The following TNS2 variants were observed in gnomAD, a reference collection of about 807,000 sequenced individuals.
The protein encoded by TNS2 is tensin-2.
In TNS2, 77 loss-of-function variants were observed where a neutral mutation model predicts 155.7. The ratio of observed to expected loss-of-function variants is 0.49; its 90% CI spans 0.41 to 0.60. The LOEUF (loss-of-function observed/expected upper bound fraction) is 0.60. Ranked by LOEUF, TNS2 falls within the 20% of genes least tolerant of loss-of-function variation. The probability of loss-of-function intolerance (pLI) is 0.00; values close to 1 mark genes in which losing one functional copy is unlikely to be tolerated. For missense variants in TNS2, 1,703 were observed against 1,868.8 expected, an observed-to-expected ratio of 0.91 and a Z score of 1.64; for synonymous variants, 726 against 763.9, an observed-to-expected ratio of 0.95 and a Z score of 0.82.
At chr12:53,053,322 C>T in intron 3 of TNS2, 89 bp from the exon 4 acceptor site, 5 of 1,507,054 alleles carry the variant, frequency 3.3e-6, no homozygotes, top group Non-Finnish European at 3.7e-6. Context: ...GCCCCTCCAC[C>T]TTCCTCCTGA....
intron 3 of TNS2, 180 bp from the exon 4 acceptor site, chr12:53,053,231 G>C: frequency 2.9e-6 from 2 of 685,002 alleles, no homozygotes. Context: ...GGGGGCCTGG[G>C]GGGTGGGGGA....
At position 53,053,961 on chromosome 12, in the gene TNS2, C is replaced by A. The variant is rs1944034594; in HGVS notation, c.301-4C>A. 1 of 1,614,052 alleles carries A rather than the reference C, an allele frequency of 6.2e-7. No individual in the cohort carries two copies. Among genetic ancestry groups the A allele is most frequent in the Admixed American group, 1.7e-5 (1 of 60,010 alleles). The stretch of plus-strand genomic sequence containing the variant: ...ATGTCTAGACACTGTCTGTTAACCA[C>A]CAGGGATCCACCAAATCTCTGAACC... On this transcript the variant is annotated splice_polypyrimidine_tract_variant and splice_region_variant and intron_variant, in intron 5 of 28. Transcript: ENST00000314250.
chr12:53,056,312 A>T (rs960698638), intron 10 of TNS2: 11 of 157,920 alleles, frequency 7.0e-5, no homozygotes, highest in African/African-American at 2.7e-4. Flanking sequence ...GTGAGCCCAC[A>T]CGGTGCCACT....
rs925265773 is a variant in TNS2 at position 53,063,052 on chromosome 12, G to A, written c.3824-37G>A. 2 of 1,507,820 alleles carry A rather than the reference G, an allele frequency of 1.3e-6. No homozygotes were observed. The highest frequency in any genetic ancestry group is 2.8e-5 in the African/African-American group (2 of 71,702). 93.4% of individuals were successfully genotyped at this position (1,507,820 alleles called of 1,614,324 possible). The stretch of plus-strand genomic sequence containing the variant: ...GAGCTGGTGGGGGTGGCTAGGGGAT[G>A]GGCACTCCCTCCCTGACCCACTCCC... On this transcript the variant is annotated intron_variant, in intron 25 of 28. Coordinates refer to ENST00000314250, the MANE Select transcript of TNS2 (RefSeq NM_170754.4). This position sits in a 1 kb window ranked among gnomAD's most constrained non-coding sequence, Gnocchi z 5.6.
At chr12:53,048,889 G>T (rs1943820005), upstream of TNS2, 5 of 329,032 alleles carry the variant, frequency 1.5e-5, no homozygotes, top group Admixed American at 1.6e-4. Flanking sequence ...CCAGGGCTGG[G>T]GGAGTTGCCT....
At position 53,055,479 on chromosome 12, in the gene TNS2, G is replaced by A. The variant is rs78744087; in HGVS notation, c.574-89G>A. The A allele has an allele frequency of 1.1e-3, 1,649 of 1,469,180 alleles. 20 individuals are homozygous for A. The African/African-American group carries it at 0.02, about 18-fold the overall frequency. 91.0% of individuals were successfully genotyped at this position (1,469,180 alleles called of 1,614,324 possible). ...CCAGCAGACCCCCAGCCTTGCCCCC[G>A]GACCCCTATGCCCTGTCCCCTTTCC... is the stretch of plus-strand genomic sequence containing the variant. On this transcript the variant is annotated intron_variant, in intron 8 of 28. Transcript: ENST00000314250.
At position 53,060,891 on chromosome 12, in the gene TNS2, C is replaced by T; in HGVS notation, c.2985C>T (p.His995=). 6.3e-7 allele frequency: 1 copy of T among 1,589,626 alleles called. No individual in the cohort carries two copies. Among genetic ancestry groups the T allele is most frequent in the African/African-American group, 1.3e-5 (1 of 74,418 alleles). ...CTCAGGAAAGGAGTCCAGGGGGCCA[C>T]TCAGATGGCGCCAGTCCTCGGAGCC... ...DWPQERSPGG[H]SDGASPRSPV... The change falls in exon 20 of 29, where the codon CAC becomes CAT. Residue 995 remains histidine, a synonymous_variant. Transcript: ENST00000314250. This position sits in a 1 kb window ranked among gnomAD's most constrained non-coding sequence, Gnocchi z 6.1.
chr12:53,061,181 A>G lies in TNS2; in HGVS notation c.3275A>G (p.Glu1092Gly), dbSNP rs745783943. 6.3e-7 allele frequency: 1 copy of G among 1,594,232 alleles called. No homozygotes were observed. Among genetic ancestry groups the G allele is most frequent in the Non-Finnish European group, 8.5e-7 (1 of 1,170,622 alleles). ...CAACAGCCAGGACCCTGGGGCCCAG[A>G]GCAGGCATCATCGCCAGCCAGAGGC... ...PGQQPGPWGPEQASSPARGIS... is the reference protein window; with the variant it reads ...PGQQPGPWGPGQASSPARGIS... Residue 1092 changes from glutamate to glycine, a missense_variant, in exon 20 of 29, where the codon GAG becomes GGG. Physicochemically the swap from Glu to Gly is moderately conservative, Grantham distance 98. Coordinates refer to ENST00000314250, the MANE Select transcript of TNS2 (RefSeq NM_170754.4).
upstream of TNS2, chr12:53,049,215 G>A: frequency 1.2e-6 from 2 of 1,605,582 alleles, no homozygotes; most frequent in Non-Finnish European, 1.7e-6. Context: ...GACAGCTGCT[G>A]AGGAAGGAGA....
At chr12:53,062,009 G>A in intron 22 of TNS2, 69 bp downstream of exon 22, 1 of 1,611,062 alleles carries the variant, frequency 6.2e-7, no homozygotes, top group Non-Finnish European at 8.5e-7. Context: ...AAGGTAACAG[G>A]GCAGGTGGGG....
intron 17 of TNS2, 26 bp from the exon 18 acceptor site, chr12:53,058,993 TCTCCCTCCCTGTTCCCCGCTTGCCCTCC>T (rs1162396108): frequency 1.9e-5 from 29 of 1,535,954 alleles, no homozygotes; most frequent in Non-Finnish European, 2.5e-5. Context: ...GAATTTTCTC[TCTCCCTCCCTGTTCCCCGCTTGCCCTCC>T]CTCCCTGATC....
At chr12:53,054,494 A>T in intron 7 of TNS2, 53 bp downstream of exon 7, 1 of 1,390,926 alleles carries the variant, frequency 7.2e-7, no homozygotes, top group Admixed American at 2.7e-5. Context: ...TAGGGTCCAG[A>T]TGGGCGAGGC....
chr12:53,049,064 T>C (rs1943826402), upstream of TNS2: 1 of 1,072,806 alleles, frequency 9.3e-7, no homozygotes, highest in Non-Finnish European at 1.4e-6. Flanking sequence ...CTCCCCCTTT[T>C]TCAAGGCCCC....
chr12:53,052,521 G>T (rs746339676), intron 3 of TNS2, 29 bp downstream of exon 3: 2 of 1,613,580 alleles, frequency 1.2e-6, no homozygotes, highest in African/African-American at 2.7e-5. Flanking sequence ...CTGATAGGGG[G>T]AGAGGGTCTG....
At position 53,050,347 on chromosome 12, in the gene TNS2, T is replaced by C. The variant is rs1943886143; in HGVS notation, c.75+87T>C. On this transcript the variant is annotated intron_variant, in intron 1 of 28. Transcript: ENST00000314250. This position sits in a 1 kb window ranked among gnomAD's most constrained non-coding sequence, Gnocchi z 4.7. ...GGGGACCAGGAATCAGGCCAGGCCT[T>C]CTTCCCAATTTCAGCTTCCTCAGCC... 1 of 1,416,506 alleles carries C rather than the reference T, an allele frequency of 7.1e-7. No individual in the cohort carries two copies. Among genetic ancestry groups the C allele is most frequent in the Non-Finnish European group, 9.5e-7 (1 of 1,056,478 alleles). The allele number at this position is 1,416,506 out of a possible 1,614,324, so 87.7% of individuals were successfully genotyped here. A position where few individuals can be genotyped will look rare whatever the true frequency, so the allele number is the denominator to read the frequency against.
chr12:53,062,410 C>G lies in TNS2; in HGVS notation c.3702C>G (p.Ile1234Met), dbSNP rs199565802. 33 of 1,613,916 alleles carry G rather than the reference C, an allele frequency of 2.0e-5. No individual in the cohort carries two copies. Among genetic ancestry groups the G allele is most frequent in the Non-Finnish European group, 2.8e-5 (33 of 1,179,976 alleles). Reference sequence around the variant, plus strand: ...CCGCCTTGGTCTCCCAGCACTCCATCTCCCCCATCTCCCTGCCCTGCTGCC... The same window carrying G: ...CCGCCTTGGTCTCCCAGCACTCCATGTCCCCCATCTCCCTGCCCTGCTGCC... ...SLSALVSQHS[I>M]SPISLPCCLR... The change falls in exon 24 of 29, where the codon ATC (isoleucine) becomes ATG (methionine). Residue 1234 changes from isoleucine (I) to methionine (M), a missense_variant. Transcript: ENST00000314250.
chr12:53,055,314 T>A (rs1944108214), intron 8 of TNS2, 78 bp downstream of exon 8: 2 of 1,489,416 alleles, frequency 1.3e-6, no homozygotes, highest in South Asian at 2.3e-5. Context: ...TCGTTATTAA[T>A]AGTAGCAATT....
intron 2 of TNS2, 76 bp downstream of exon 2, chr12:53,052,039 C>A: frequency 8.3e-7 from 1 of 1,211,662 alleles, no homozygotes; most frequent in Admixed American, 2.0e-5. Flanking sequence ...CAGGCCAGCT[C>A]ACACAATCTC....
chr12:53,062,330 G>T, intron 23 of TNS2, 46 bp from the exon 24 acceptor site: 2 of 1,613,070 alleles, frequency 1.2e-6, no homozygotes, highest in Non-Finnish European at 1.7e-6. Context: ...AGGGAAAGGC[G>T]GGGCACCCTG....
Sources: allele counts gnomAD v4.1 joint callset, GRCh38; gene constraint gnomAD v4.1.1; non-coding constraint Gnocchi (gnomAD v3.1); transcripts MANE v1.5; gene names NCBI Gene and HGNC (gene_info 2026-07-23, HGNC 2026-07-21).